The following RAD51B variants were observed in gnomAD, a reference collection of about 807,000 sequenced individuals.
RAD51B encodes the protein DNA repair protein RAD51 homolog 2.
RAD51B carries 38 observed loss-of-function variants against 42.2 expected under a neutral mutation model. That is an observed-to-expected ratio of 0.90 (90% CI 0.70 to 1.18). RAD51B has a LOEUF of 1.18. RAD51B is among the 50% of genes most tolerant of loss of function. The probability of loss-of-function intolerance (pLI) is 0.00; values close to 1 mark genes in which losing one functional copy is unlikely to be tolerated. For missense variants in RAD51B, 373 were observed against 400.7 expected, an observed-to-expected ratio of 0.93 and a Z score of 0.59; for synonymous variants, 154 against 145.2, an observed-to-expected ratio of 1.06 and a Z score of -0.43.
intron 7 of RAD51B, among the ~76,000 whole-genome samples, chr14:68,125,673 T>A (rs1037071127): frequency 2.5e-4 from 38 of 152,328 alleles, no homozygotes; most frequent in African/African-American, 7.2e-4. Context: ...GAATTGGATA[T>A]TCCTGGGAAA....
intron 7 of RAD51B, among the ~76,000 whole-genome samples, chr14:67,941,733 T>C (rs2045217704): frequency 6.6e-6 from 1 of 152,204 alleles, no homozygotes; most frequent in Admixed American, 6.5e-5. Context: ...TACCTCCTCC[T>C]TTTGGCTAGG....
chr14:68,084,856 A>C (rs2076961989), intron 7 of RAD51B, among the ~76,000 whole-genome samples: 1 of 152,230 alleles, frequency 6.6e-6, no homozygotes, highest in Admixed American at 6.5e-5. Context: ...ATGTTAAAAA[A>C]AATCCGTGGA....
At chr14:68,022,164 A>G (rs1006992498) in intron 7 of RAD51B, among the ~76,000 whole-genome samples, 2 of 152,198 alleles carry the variant, frequency 1.3e-5, no homozygotes, top group Non-Finnish European at 2.9e-5. Context: ...GCTCCCATTT[A>G]TAAGTGAGAA....
intron 3 of RAD51B, among the ~76,000 whole-genome samples, chr14:67,833,970 A>G (rs1309313563): frequency 2.6e-5 from 4 of 152,210 alleles, no homozygotes; most frequent in African/African-American, 7.2e-5. Flanking sequence ...AATTTGTTGT[A>G]TTAGTTTCCT....
chr14:67,953,979 A>C (rs2074501497), intron 7 of RAD51B, among the ~76,000 whole-genome samples: 1 of 152,114 alleles, frequency 6.6e-6, no homozygotes, highest in Non-Finnish European at 1.5e-5. Flanking sequence ...GAATAGAAGA[A>C]AAGAAGGTGG....
At chr14:68,473,412 G>A (rs534243625) in intron 10 of RAD51B, among the ~76,000 whole-genome samples, 6 of 152,264 alleles carry the variant, frequency 3.9e-5, no homozygotes, top group Admixed American at 1.3e-4. Context: ...TCTTAGTGTG[G>A]GACCTCCCAG....
intron 9 of RAD51B, among the ~76,000 whole-genome samples, chr14:68,420,743 C>G (rs1333866562): frequency 6.6e-6 from 1 of 152,212 alleles, no homozygotes; most frequent in East Asian, 1.9e-4. Flanking sequence ...TCTTTGTGAC[C>G]TGTATCTTTT....
At chr14:68,241,848 T>A (rs999475300) in intron 7 of RAD51B, among the ~76,000 whole-genome samples, 2 of 152,166 alleles carry the variant, frequency 1.3e-5, no homozygotes, top group Non-Finnish European at 2.9e-5. Context: ...CCTACTCCTA[T>A]CTCTTTTGAG....
chr14:68,272,666 T>TATATATATATATATATATATATA (rs58623449), intron 7 of RAD51B, among the ~76,000 whole-genome samples: 3 of 4,970 alleles, frequency 6.0e-4, no homozygotes, highest in Non-Finnish European at 7.3e-4. Context: ...TATATATATA[T>TATATATATATATATATATATATA]TTTTTTTTTT....
chr14:68,378,994 T>C (rs2083426898), intron 8 of RAD51B, among the ~76,000 whole-genome samples: 4 of 152,244 alleles, frequency 2.6e-5, no homozygotes, highest in Non-Finnish European at 5.9e-5. Flanking sequence ...CCAACAATGC[T>C]TCTTCATCCA....
intron 7 of RAD51B, among the ~76,000 whole-genome samples, chr14:68,267,774 C>T (rs1378111219): frequency 6.6e-6 from 1 of 152,170 alleles, no homozygotes; most frequent in Non-Finnish European, 1.5e-5. Context: ...TCAGATTAAT[C>T]GTATCACTTT....
intron 7 of RAD51B, among the ~76,000 whole-genome samples, chr14:68,004,828 G>A (rs111543468): frequency 4.6e-5 from 7 of 151,820 alleles, no homozygotes; most frequent in African/African-American, 7.2e-5. Context: ...GGTTTGGTTC[G>A]TTTTTGAACT....
At chr14:68,319,137 CGGA>C (rs2082113975) in intron 8 of RAD51B, among the ~76,000 whole-genome samples, 1 of 152,106 alleles carries the variant, frequency 6.6e-6, no homozygotes. Context: ...GCCCTGGAAA[CGGA>C]GGAGTTTTTG....
At chr14:67,885,709 A>C (rs1241870328) in intron 5 of RAD51B, 160 bp from the exon 6 acceptor site, 1 of 879,236 alleles carries the variant, frequency 1.1e-6, no homozygotes, top group East Asian at 3.3e-5. Flanking sequence ...GTGCTTACAA[A>C]AGAGAGCTTA....
intron 7 of RAD51B, among the ~76,000 whole-genome samples, chr14:67,986,042 C>T (rs1266464724): frequency 6.6e-6 from 1 of 151,886 alleles, no homozygotes; most frequent in Non-Finnish European, 1.5e-5. Context: ...TAGTTTAATT[C>T]TGTGTGTGTA....
At chr14:68,330,555 G>C (rs2082328077) in intron 8 of RAD51B, among the ~76,000 whole-genome samples, 1 of 152,172 alleles carries the variant, frequency 6.6e-6, no homozygotes. Flanking sequence ...ACCACTTGCT[G>C]TATGTCTTAA....
intron 7 of RAD51B, among the ~76,000 whole-genome samples, chr14:67,921,182 C>G (rs2044310148): frequency 6.6e-6 from 1 of 152,106 alleles, no homozygotes; most frequent in Admixed American, 6.6e-5. Context: ...AATCAGAGTC[C>G]TTAGAGGAGG....
intron 8 of RAD51B, among the ~76,000 whole-genome samples, chr14:68,317,311 T>A (rs1187698570): frequency 2.1e-5 from 1 of 46,840 alleles, no homozygotes; most frequent in Non-Finnish European, 4.1e-5. Context: ...TTGAACATAT[T>A]TATTTACGTG....
intron 7 of RAD51B, among the ~76,000 whole-genome samples, chr14:68,153,980 T>A (rs1227982552): frequency 6.6e-6 from 1 of 152,250 alleles, no homozygotes; most frequent in Admixed American, 6.5e-5. Context: ...ATGTGATTCA[T>A]GAGTCGTATT....
Sources: allele counts gnomAD v4.1 joint callset (sites outside exome capture counted in the v4.1 genomes callset), GRCh38; gene constraint gnomAD v4.1.1; transcripts MANE v1.5; gene names NCBI Gene and HGNC (gene_info 2026-07-23, HGNC 2026-07-21).